Variants in ZC3H12B observed in about 807,000 individuals in gnomAD.
ZC3H12B encodes the protein zinc finger CCCH-type containing 12B.
A neutral mutation model predicts 43.9 loss-of-function variants in ZC3H12B; 7 were observed. That is an observed-to-expected ratio of 0.16 (90% CI 0.09 to 0.30). The LOEUF (loss-of-function observed/expected upper bound fraction) is 0.30, where lower values mean the gene tolerates loss of function less well. Ranked by LOEUF, ZC3H12B falls within the 10% of genes least tolerant of loss-of-function variation. ZC3H12B has a pLI of 1.00. For synonymous variants in ZC3H12B, 222 were observed against 241.7 expected (o/e 0.92, Z 0.76); for missense variants, 475 against 670.2 (o/e 0.71, Z 3.22).
the ZC3H12B span, among the ~76,000 whole-genome samples, chrX:65,149,837 G>T: frequency 7.6e-5 from 8 of 105,641 alleles, no homozygotes; most frequent in Non-Finnish European, 1.2e-4. Context: ...AAGTATTATG[G>T]GCATCTGCAG....
the ZC3H12B span, chrX:65,357,092 A>G: frequency 1.9e-6 from 1 of 534,661 alleles, no homozygotes; most frequent in Non-Finnish European, 3.4e-6. Context: ...ACTGCCCACC[A>G]CAAGCTCCAA....
chrX:65,111,267 A>T, the ZC3H12B span, among the ~76,000 whole-genome samples: 151 of 111,217 alleles, frequency 1.4e-3, no homozygotes, highest in African/African-American at 4.4e-3. Context: ...AACTATATCG[A>T]TTAGGAGTAG....
At chrX:65,141,050 T>C in the ZC3H12B span, among the ~76,000 whole-genome samples, 2 of 111,688 alleles carry the variant, frequency 1.8e-5, no homozygotes, top group Admixed American at 9.5e-5. Flanking sequence ...TTCTAGTCTC[T>C]TTTTCATTTG....
chrX:65,206,791 C>G, the ZC3H12B span, among the ~76,000 whole-genome samples: 2 of 111,145 alleles, frequency 1.8e-5, no homozygotes, highest in Non-Finnish European at 3.8e-5. Context: ...CTACAATCTA[C>G]AAGGAACTCA....
At chrX:65,406,598 G>GGGGAT (rs2066827186) in intron 3 of ZC3H12B, among the ~76,000 whole-genome samples, 2 of 95,364 alleles carry the variant, frequency 2.1e-5, no homozygotes, top group African/African-American at 8.0e-5. Flanking sequence ...GGGGCTGGGC[G>GGGGAT]GGGCTGGGCG....
the ZC3H12B span, among the ~76,000 whole-genome samples, chrX:65,163,726 G>A: frequency 1.8e-5 from 2 of 111,673 alleles, no homozygotes; most frequent in African/African-American, 6.5e-5. Context: ...TGCTTCCCGA[G>A]TGAGGCAATG....
chrX:65,127,185 C>T, the ZC3H12B span, among the ~76,000 whole-genome samples: 1 of 111,590 alleles, frequency 9.0e-6, no homozygotes, highest in Non-Finnish European at 1.9e-5. Flanking sequence ...CTTTTTCCCA[C>T]AGGGTGCTCC....
the ZC3H12B span, among the ~76,000 whole-genome samples, chrX:65,146,097 CT>C: frequency 9.0e-6 from 1 of 111,353 alleles, no homozygotes; most frequent in East Asian, 2.8e-4. Flanking sequence ...TTAGATTTCT[CT>C]TTTTCCTCAG....
At chrX:65,279,783 C>A in the ZC3H12B span, among the ~76,000 whole-genome samples, 1 of 111,959 alleles carries the variant, frequency 8.9e-6, no homozygotes, top group African/African-American at 3.2e-5. Flanking sequence ...ACTGAACAGA[C>A]AACCTACAGA....
the ZC3H12B span, among the ~76,000 whole-genome samples, chrX:65,207,664 T>A: frequency 2.9e-5 from 3 of 102,239 alleles, no homozygotes; most frequent in African/African-American, 1.1e-4. Context: ...ATGCGGGCTC[T>A]TTTTTGGTTC....
At chrX:65,174,791 G>C in the ZC3H12B span, among the ~76,000 whole-genome samples, 2 of 111,912 alleles carry the variant, frequency 1.8e-5, no homozygotes, top group Non-Finnish European at 3.8e-5. Flanking sequence ...CAAGCCAGTG[G>C]TTCTTAGCTT....
chrX:65,219,077 T>C, the ZC3H12B span, among the ~76,000 whole-genome samples: 14 of 111,262 alleles, frequency 1.3e-4, no homozygotes, highest in Non-Finnish European at 2.3e-4. Context: ...GAAATAGCAG[T>C]CGCTGCAGTT....
intron 2 of ZC3H12B, among the ~76,000 whole-genome samples, chrX:65,391,132 T>C (rs376682657): frequency 8.9e-6 from 1 of 111,964 alleles, no homozygotes; most frequent in African/African-American, 3.2e-5. Context: ...CTGAGGACTT[T>C]GTACCTTTTC....
chrX:65,300,751 C>T, the ZC3H12B span, among the ~76,000 whole-genome samples: 2 of 111,298 alleles, frequency 1.8e-5, no homozygotes, highest in Admixed American at 9.6e-5. Flanking sequence ...CAACACAAAA[C>T]CACCAAAGGC....
At chrX:65,302,546 T>C in the ZC3H12B span, among the ~76,000 whole-genome samples, 1 of 112,371 alleles carries the variant, frequency 8.9e-6, no homozygotes, top group Non-Finnish European at 1.9e-5. Context: ...TTTATGTTTA[T>C]GGATAGTAAG....
chrX:65,157,189 C>T, the ZC3H12B span, among the ~76,000 whole-genome samples: 17 of 111,185 alleles, frequency 1.5e-4, 1 homozygote, highest in Non-Finnish European at 1.9e-5. Context: ...CCATGTTCCC[C>T]AGGCTGGTCT....
Position 65,408,337 on chromosome X carries a change from G to C in ZC3H12B, n.407+9633G>C. 2.5e-6 allele frequency: 3 copies of C among 1,202,582 alleles called. No homozygotes were observed. In the South Asian group the frequency reaches 5.3e-5, roughly 21 times the overall value. On this transcript the variant is annotated intron_variant and non_coding_transcript_variant, in intron 3 of 5. Transcript: ENST00000617377. ...AACAGACTGAAATCGCCAAGAGATT[G>C]AATACGATTTGTGCACAAGTCATCC... is the stretch of plus-strand genomic sequence containing the variant.
chrX:65,363,164 T>C (rs909288945), upstream of ZC3H12B, among the ~76,000 whole-genome samples: 3 of 111,175 alleles, frequency 2.7e-5, no homozygotes, highest in Non-Finnish European at 5.7e-5. Context: ...TCTCACCTTA[T>C]TCAATATATT....
chrX:65,292,131 A>G, the ZC3H12B span, among the ~76,000 whole-genome samples: 2 of 111,970 alleles, frequency 1.8e-5, no homozygotes, highest in African/African-American at 6.5e-5. Flanking sequence ...GAAATCAGTA[A>G]AGACATAATT....
Sources: gnomAD v4.1 joint callset for allele counts (sites outside exome capture counted in the v4.1 genomes callset) on GRCh38, gnomAD v4.1.1 for gene constraint, MANE v1.5 for transcripts, NCBI Gene and HGNC (gene_info 2026-07-23, HGNC 2026-07-21) for gene names.